The following CLCN6 variants were observed in gnomAD, a reference collection of about 807,000 sequenced individuals.
CLCN6 encodes Cl-/H+ antiporter 6, also known as H(+)/Cl(-) exchange transporter 6.
CLCN6 carries 70 observed loss-of-function variants against 109.8 expected under a neutral mutation model. That is an observed-to-expected ratio of 0.64 (90% CI 0.53 to 0.78). The LOEUF (loss-of-function observed/expected upper bound fraction) is 0.78. Ranked by LOEUF, CLCN6 falls within the 30% of genes least tolerant of loss-of-function variation. The pLI, the probability that CLCN6 is intolerant of heterozygous loss-of-function variation, is 0.00. For synonymous variants in CLCN6, 444 were observed against 447.8 expected, an observed-to-expected ratio of 0.99 and a Z score of 0.11; for missense variants, 984 against 1,142.3, an observed-to-expected ratio of 0.86 and a Z score of 2.00.
chr1:11,838,432 G>T lies in CLCN6; in HGVS notation c.2393G>T (p.Arg798Leu), dbSNP rs769924243. 7.4e-6 allele frequency: 12 copies of T among 1,613,974 alleles called. No homozygotes were observed. The highest frequency in any genetic ancestry group is 1.1e-5 in the South Asian group (1 of 91,076). The change falls in exon 21 of 23, where the codon CGC becomes CTC. Residue 798 changes from arginine to leucine, a missense_variant. By Grantham distance (102) the Arg-to-Leu change is moderately radical (BLOSUM62 -2). Coordinates refer to ENST00000346436, the MANE Select transcript of CLCN6 (RefSeq NM_001286.5). ...HDLDLTLLNP[R>L]MIVDVTPYMN... ...CTGGACCTGACGCTGCTCAACCCGC[G>T]CATGATCGTGGTGAGAAGGGCTGCC...
In CLCN6 at chr1:11,834,368, CG is replaced by C. The variant is rs1557432711; in HGVS notation, c.1662del (p.Leu555SerfsTer7). 1 of 1,614,080 alleles carries C rather than the reference CG, an allele frequency of 6.2e-7. No individual in the cohort carries two copies. The highest frequency in any genetic ancestry group is 8.5e-7 in the Non-Finnish European group (1 of 1,179,988). ...LIESTNEITY[G>X]LPIMVTLMVA... ...TCGAGTCCACCAATGAGATCACCTA[CG>C]GGCTCCCCATCATGGTCACACTGAT... On this transcript the variant is annotated frameshift_variant, in exon 16 of 23. Transcript: ENST00000346436. LOFTEE classifies it high-confidence loss of function. The surrounding 1 kb of genome is among the most constrained non-coding windows in gnomAD (Gnocchi z 4.5).
intron 13 of CLCN6, 74 bp from the exon 14 acceptor site, chr1:11,833,441 C>A: frequency 6.6e-7 from 1 of 1,509,702 alleles, no homozygotes; most frequent in Non-Finnish European, 9.1e-7. Context: ...TGTTTTGGAC[C>A]CGGCTGGAGA....
chr1:11,829,338 C>G lies in CLCN6; in HGVS notation c.1248+16C>G. Reference sequence around the variant, plus strand: ...CCAGCTCCAGGTAACCCCAGTGCACCTGCTACCTTTATCCCATACCACGAG... The same window carrying G: ...CCAGCTCCAGGTAACCCCAGTGCACGTGCTACCTTTATCCCATACCACGAG... On this transcript the variant is annotated intron_variant, in intron 13 of 22. Transcript: ENST00000346436. The G allele has an allele frequency of 6.2e-7, 1 of 1,613,888 alleles. No homozygotes were observed. Among genetic ancestry groups the G allele is most frequent in the African/African-American group, 1.3e-5 (1 of 75,040 alleles).
intron 5 of CLCN6, among the ~76,000 whole-genome samples, chr1:11,819,838 G>A (rs1228248189): frequency 1.3e-5 from 2 of 152,196 alleles, no homozygotes; most frequent in Non-Finnish European, 2.9e-5. Context: ...AATAGAATTT[G>A]TTGTGGAACT....
At chr1:11,828,732 C>T in intron 12 of CLCN6, 108 bp downstream of exon 12, 2 of 1,180,150 alleles carry the variant, frequency 1.7e-6, no homozygotes, top group Non-Finnish European at 1.2e-6. Flanking sequence ...GCTTTGATTT[C>T]TCATCTAAGA....
At position 11,834,387 on chromosome 1, in the gene CLCN6, A is replaced by G; in HGVS notation, c.1678A>G (p.Thr560Ala). 6.2e-7 allele frequency: 1 copy of G among 1,613,940 alleles called. No individual in the cohort carries two copies. Among genetic ancestry groups the G allele is most frequent in the Non-Finnish European group, 8.5e-7 (1 of 1,179,902 alleles). ...EITYGLPIMVTLMVAKWTGDF... is the reference protein window; with the variant it reads ...EITYGLPIMVALMVAKWTGDF... ...CACCTACGGGCTCCCCATCATGGTCACACTGATGGTGAGCACACTCCCTCC... is the reference window on the plus strand; with the variant it reads ...CACCTACGGGCTCCCCATCATGGTCGCACTGATGGTGAGCACACTCCCTCC... The change falls in exon 16 of 23, where the codon ACA (threonine) becomes GCA (alanine). Residue 560 changes from threonine (T) to alanine (A), a missense_variant. By Grantham distance (58) the Thr-to-Ala change is moderately conservative. Coordinates refer to ENST00000346436, the MANE Select transcript of CLCN6 (RefSeq NM_001286.5). The surrounding 1 kb of genome is among the most constrained non-coding windows in gnomAD (Gnocchi z 4.5).
chr1:11,809,090 G>C (rs1185423371), intron 2 of CLCN6, among the ~76,000 whole-genome samples: 48 of 152,042 alleles, frequency 3.2e-4, no homozygotes, highest in Non-Finnish European at 2.9e-5. Flanking sequence ...TCGAACTCCT[G>C]ACCTCAGGTG....
intron 5 of CLCN6, 77 bp from the exon 6 acceptor site, chr1:11,822,618 A>C: frequency 4.8e-6 from 4 of 832,580 alleles, no homozygotes; most frequent in Non-Finnish European, 8.2e-6. Flanking sequence ...CCAAAGGAGA[A>C]GCAGCTGCAC....
In CLCN6 at chr1:11,837,571, G is replaced by A. The variant is rs1644966801; in HGVS notation, c.2295+72G>A. On this transcript the variant is annotated intron_variant, in intron 20 of 22. Transcript: ENST00000346436. ...CTCGAGGGGTTGGGCGCTGCCGGCGGGCCGTGAACAGTGCCATAGGGAAAG... is the reference window on the plus strand; with the variant it reads ...CTCGAGGGGTTGGGCGCTGCCGGCGAGCCGTGAACAGTGCCATAGGGAAAG... 20 of 1,496,812 alleles carry A rather than the reference G, an allele frequency of 1.3e-5. No individual in the cohort carries two copies. The Admixed American group carries it at 3.6e-4, about 27-fold the overall frequency. The allele number at this position is 1,496,812 out of a possible 1,614,324, so 92.7% of individuals were successfully genotyped here.
intron 6 of CLCN6, among the ~76,000 whole-genome samples, chr1:11,823,337 C>T (rs1469524419): frequency 1.3e-5 from 2 of 151,726 alleles, no homozygotes; most frequent in African/African-American, 2.4e-5. Context: ...ATTAGCCGGG[C>T]GTGGTGGCGC....
In CLCN6 at chr1:11,838,348, C is replaced by T. The variant is rs771484760; in HGVS notation, c.2309C>T (p.Pro770Leu). 16 of 1,613,692 alleles carry T rather than the reference C, an allele frequency of 9.9e-6. No homozygotes were observed. Among genetic ancestry groups the T allele is most frequent in the East Asian group, 2.2e-5 (1 of 44,900 alleles). Residue 770 changes from proline (P) to leucine (L), a missense_variant, in exon 21 of 23, where the codon CCG becomes CTG. Transcript: ENST00000346436. Reference protein sequence around the residue: ...YSESQSSASQPRLSYAEMAED... With the variant: ...YSESQSSASQLRLSYAEMAED... Reference sequence around the variant, plus strand: ...TTGGAATTGCAGAGCGCCAGCCAGCCGCGCCTCTCCTATGCCGAGATGGCC... The same window carrying T: ...TTGGAATTGCAGAGCGCCAGCCAGCTGCGCCTCTCCTATGCCGAGATGGCC...
intron 5 of CLCN6, among the ~76,000 whole-genome samples, chr1:11,822,266 C>CT (rs1007564417): frequency 2.0e-5 from 3 of 151,852 alleles, no homozygotes; most frequent in Non-Finnish European, 2.9e-5. Context: ...ACAATTTTTT[C>CT]TTTTTTTTAA....
Position 11,838,555 on chromosome 1 carries a change from C to CCTG in CLCN6, c.2425_2426insTGC (p.Asn808_Pro809insLeu). ...TGCAGGATGTCACCCCATACATGAA[C>CCTG]CCTTCGCCTTTCACCGTCTCGCCCA... On this transcript the variant is annotated inframe_insertion, in exon 22 of 23. Transcript: ENST00000346436. The CCTG allele has an allele frequency of 1.9e-6, 3 of 1,611,294 alleles. No individual in the cohort carries two copies. Among genetic ancestry groups the CCTG allele is most frequent in the Non-Finnish European group, 2.5e-6 (3 of 1,177,628 alleles).
rs773689397 is a variant in CLCN6, at chr1:11,807,116, G to A, written c.88-15G>A. 22 of 1,613,720 alleles carry A rather than the reference G, an allele frequency of 1.4e-5. No homozygotes were observed. The highest frequency in any genetic ancestry group is 1.6e-5 in the Non-Finnish European group (19 of 1,179,600). On this transcript the variant is annotated splice_polypyrimidine_tract_variant and intron_variant, in intron 1 of 22. Transcript: ENST00000346436. ...ACCACTAAAAAAGGCTCCCTCTGCG[G>A]ATCTGTTTTTCTAGACCATCCTTGG...
chr1:11,815,924 A>G lies in CLCN6; in HGVS notation c.213+13A>G, dbSNP rs763027294. On this transcript the variant is annotated intron_variant, in intron 3 of 22. Coordinates refer to ENST00000346436, the MANE Select transcript of CLCN6 (RefSeq NM_001286.5). Reference sequence around the variant, plus strand: ...CATGGATAATAAGGTGGGTCTTACAATTCTTCATCTCTGGGGATCAAATCA... The same window carrying G: ...CATGGATAATAAGGTGGGTCTTACAGTTCTTCATCTCTGGGGATCAAATCA... 8.2e-6 allele frequency: 13 copies of G among 1,591,510 alleles called. No homozygotes were observed. The highest frequency in any genetic ancestry group is 1.7e-4 in the Middle Eastern group (1 of 6,046).
At position 11,840,248 on chromosome 1, in the gene CLCN6, G is replaced by A; in HGVS notation, c.*25G>A. ...ACAGCCCAGCCCACCCTCTCCTGGTGCTGCCTGGGGAGGCAAATCATGCTC... is the reference window on the plus strand; with the variant it reads ...ACAGCCCAGCCCACCCTCTCCTGGTACTGCCTGGGGAGGCAAATCATGCTC... On this transcript the variant is annotated 3_prime_UTR_variant, in exon 23 of 23. Coordinates refer to ENST00000346436, the MANE Select transcript of CLCN6 (RefSeq NM_001286.5). 6.3e-7 allele frequency: 1 copy of A among 1,594,588 alleles called. No homozygotes were observed.
At position 11,840,277 on chromosome 1, in the gene CLCN6, C is replaced by G; in HGVS notation, c.*54C>G. The G allele has an allele frequency of 6.8e-7, 1 of 1,464,218 alleles. No homozygotes were observed. The highest frequency in any genetic ancestry group is 9.5e-7 in the Non-Finnish European group (1 of 1,051,454). The allele number at this position is 1,464,218 out of a possible 1,614,324, so 90.7% of individuals were successfully genotyped here. On this transcript the variant is annotated 3_prime_UTR_variant, in exon 23 of 23. Coordinates refer to ENST00000346436, the MANE Select transcript of CLCN6 (RefSeq NM_001286.5). ...CCTGGGGAGGCAAATCATGCTCACT[C>G]CGGCGGGCACAGCTGGCTGGGGCTG...
chr1:11,833,482 C>T, intron 13 of CLCN6, 33 bp from the exon 14 acceptor site: 1 of 1,610,812 alleles, frequency 6.2e-7, no homozygotes, highest in African/African-American at 1.3e-5. Flanking sequence ...AGTCAGGTGT[C>T]CTTGTACTGA....
Position 11,838,395 on chromosome 1 carries a change from G to A in CLCN6, c.2356G>A (p.Asp786Asn), listed in dbSNP as rs777943239. The A allele has an allele frequency of 7.4e-6, 12 of 1,613,704 alleles. No individual in the cohort carries two copies. The highest frequency in any genetic ancestry group is 4.0e-5 in the African/African-American group (3 of 74,916). Residue 786 changes from aspartate to asparagine, a missense_variant, in exon 21 of 23, where the codon GAC (aspartate) becomes AAC (asparagine). Physicochemically the swap from Asp to Asn is conservative, Grantham distance 23. Transcript: ENST00000346436. ...EMAEDYPRYP[D>N]IHDLDLTLLN... ...GGCCGAGGACTACCCGCGGTACCCC[G>A]ACATCCACGACCTGGACCTGACGCT...
Sources: allele counts gnomAD v4.1 joint callset (sites outside exome capture counted in the v4.1 genomes callset), GRCh38; gene constraint gnomAD v4.1.1; non-coding constraint Gnocchi (gnomAD v3.1); transcripts MANE v1.5; gene names NCBI Gene and HGNC (gene_info 2026-07-23, HGNC 2026-07-21).